Variants in DST observed in about 807,000 individuals in gnomAD.
DST encodes bullous pemphigoid antigen.
A neutral mutation model predicts 875.2 loss-of-function variants in DST; 253 were observed. The observed-to-expected ratio is 0.29, with a 90% CI of 0.26 to 0.32. The LOEUF (loss-of-function observed/expected upper bound fraction) is 0.32. DST is among the 10% of genes least tolerant of loss of function. The pLI is 1.00. For missense variants in DST, 8,287 were observed against 9,111.6 expected (o/e 0.91, Z 3.68); for synonymous variants, 3,124 against 3,197.1 (o/e 0.98, Z 0.77).
chr6:56,459,820 C>G (rs1413476082), intron 103 of DST, among the ~76,000 whole-genome samples: 1 of 152,170 alleles, frequency 6.6e-6, no homozygotes, highest in African/African-American at 2.4e-5. Context: ...CTTCCAACCA[C>G]CCCAAAACAG....
chr6:56,853,145 C>A (rs1270526674), intron 3 of DST, among the ~76,000 whole-genome samples: 2 of 152,206 alleles, frequency 1.3e-5, no homozygotes, highest in South Asian at 2.1e-4. Flanking sequence ...TCTTTCCCCC[C>A]AAAAAAGCTG....
At chr6:56,695,405 A>ATT (rs140173063) in intron 9 of DST, among the ~76,000 whole-genome samples, 12,759 of 152,126 alleles carry the variant, frequency 0.084, 1,717 homozygotes, top group African/African-American at 0.28. Context: ...AAATGAACTA[A>ATT]TACACCTGCC....
chr6:56,472,084 T>G lies in DST; in HGVS notation c.22133A>C (p.Asn7378Thr). 6.2e-7 allele frequency: 1 copy of G among 1,613,950 alleles called. No homozygotes were observed. Among genetic ancestry groups the G allele is most frequent in the Non-Finnish European group, 8.5e-7 (1 of 1,179,842 alleles). The change falls in exon 94 of 104, where the codon AAT (asparagine) becomes ACT (threonine). Residue 7378 changes from asparagine to threonine, a missense_variant. Transcript: ENST00000680361. ...LLALERRRKL[N>T]DALDRLEELR... The stretch of plus-strand genomic sequence containing the variant: ...CTCCTCTAGTCTGTCCAAGGCATCA[T>G]TGAGTTTCCTCCTTCTTTCCAACGC...
intron 4 of DST, among the ~76,000 whole-genome samples, chr6:56,740,013 C>A (rs1450270282): frequency 2.6e-5 from 4 of 152,116 alleles, no homozygotes; most frequent in African/African-American, 9.7e-5. Context: ...AGGCATGCGC[C>A]AACACACCTG....
intron 4 of DST, chr6:56,742,447 C>G: frequency 1.1e-6 from 1 of 923,542 alleles, no homozygotes; most frequent in South Asian, 1.4e-5. Context: ...TGACTAGACA[C>G]TCCTACTTGC....
intron 58 of DST, among the ~76,000 whole-genome samples, chr6:56,558,533 G>A (rs1180955801): frequency 6.6e-6 from 1 of 152,060 alleles, no homozygotes; most frequent in African/African-American, 2.4e-5. Context: ...CACACTTGGA[G>A]AACTAATGAC....
At chr6:56,808,436 CTT>C (rs1165956307) in intron 4 of DST, among the ~76,000 whole-genome samples, 3 of 152,020 alleles carry the variant, frequency 2.0e-5, no homozygotes, top group African/African-American at 7.3e-5. Flanking sequence ...AATAATAAAA[CTT>C]AATGCAGTGG....
At chr6:56,649,991 C>T (rs2098965501) in intron 12 of DST, among the ~76,000 whole-genome samples, 1 of 152,110 alleles carries the variant, frequency 6.6e-6, no homozygotes, top group Admixed American at 6.5e-5. Flanking sequence ...TGAAGCAACG[C>T]TCAACATTGA....
intron 51 of DST, 146 bp from the exon 52 acceptor site, chr6:56,573,210 G>C (rs538994738): frequency 1.2e-4 from 89 of 713,172 alleles, no homozygotes; most frequent in Admixed American, 2.8e-4. Flanking sequence ...TGACAAGTTT[G>C]GTCTGTCCCT....
At position 56,924,419 on chromosome 6, in the gene DST, T is replaced by C. The variant is rs534221192; in HGVS notation, c.217-23798A>G. Among the ~76,000 whole-genome samples, 21 of 151,400 alleles carry C rather than the reference T, an allele frequency of 1.4e-4. No homozygotes were observed. In the East Asian group the frequency reaches 3.7e-3, roughly 27 times the overall value. ...CACCAATGGATGGAGACTGATGTTATATATTTTTTAATATTTATATTTGTG... is the reference window on the plus strand; with the variant it reads ...CACCAATGGATGGAGACTGATGTTACATATTTTTTAATATTTATATTTGTG... On this transcript the variant is annotated intron_variant, in intron 2 of 103. Transcript: ENST00000680361.
At chr6:56,601,797 T>A (rs2098448610) in intron 43 of DST, 121 bp from the exon 44 acceptor site, 2 of 632,880 alleles carry the variant, frequency 3.2e-6, no homozygotes, top group South Asian at 2.6e-5. Flanking sequence ...GTTTTATGAA[T>A]TTTTTTGCTA....
At chr6:56,747,024 T>C (rs2152946432) in intron 4 of DST, among the ~76,000 whole-genome samples, 1 of 152,232 alleles carries the variant, frequency 6.6e-6, no homozygotes, top group East Asian at 1.9e-4. Flanking sequence ...TTTCAGAGAA[T>C]GGCTGCCCAG....
intron 3 of DST, among the ~76,000 whole-genome samples, chr6:56,867,984 G>C (rs541705769): frequency 6.6e-6 from 1 of 152,136 alleles, no homozygotes; most frequent in Admixed American, 6.5e-5. Context: ...CCGTGTTCTA[G>C]AAATAAACTT....
chr6:56,647,870 G>C (rs938641235), intron 13 of DST, among the ~76,000 whole-genome samples: 2 of 151,928 alleles, frequency 1.3e-5, no homozygotes, highest in Non-Finnish European at 2.9e-5. Context: ...ATTTTTAATA[G>C]AGATGGGGTT....
rs1047863733 is a variant in DST at position 56,592,322 on chromosome 6, C to T, written c.12763G>A (p.Asp4255Asn). 6.2e-7 allele frequency: 1 copy of T among 1,605,012 alleles called. No individual in the cohort carries two copies. The highest frequency in any genetic ancestry group is 1.3e-5 in the African/African-American group (1 of 74,928). ...VLGNNLKDLV[D>N]KYQHYEDASC... ...GCATCTTCATAGTGTTGATATTTATCCACCAGATCTTTAAGATTATTTCCA... is the reference window on the plus strand; with the variant it reads ...GCATCTTCATAGTGTTGATATTTATTCACCAGATCTTTAAGATTATTTCCA... Residue 4255 changes from aspartate to asparagine, a missense_variant, in exon 49 of 104, where the codon GAT (aspartate) becomes AAT (asparagine). By Grantham distance (23) the Asp-to-Asn change is conservative. This residue lies in a region of DST where 1,513 missense variants were observed against 1,677.8 expected (regional missense o/e 0.90). Coordinates refer to ENST00000680361, the MANE Select transcript of DST (RefSeq NM_001374736.1).
intron 15 of DST, among the ~76,000 whole-genome samples, chr6:56,643,711 C>G (rs2098926314): frequency 6.6e-6 from 1 of 152,194 alleles, no homozygotes. Context: ...TACTTCTCCA[C>G]TCTAAGAATA....
intron 8 of DST, among the ~76,000 whole-genome samples, chr6:56,701,141 A>G (rs1313812805): frequency 6.6e-6 from 1 of 151,334 alleles, no homozygotes; most frequent in Non-Finnish European, 1.5e-5. Context: ...CACCACACCC[A>G]GCCTCTTCCT....
chr6:56,684,246 T>G (rs1466575589), intron 9 of DST, among the ~76,000 whole-genome samples: 3 of 152,248 alleles, frequency 2.0e-5, no homozygotes, highest in Admixed American at 1.3e-4. Flanking sequence ...GAAAGCTTAT[T>G]CACTTTTTTA....
At chr6:56,466,321 A>G (rs1274633389) in intron 98 of DST, 126 bp from the exon 99 acceptor site, 1 of 536,632 alleles carries the variant, frequency 1.9e-6, no homozygotes, top group Non-Finnish European at 3.1e-6. Flanking sequence ...GCGATTAGTA[A>G]AATCTCAGAA....
Sources: allele counts gnomAD v4.1 joint callset (sites outside exome capture counted in the v4.1 genomes callset), GRCh38; gene constraint gnomAD v4.1.1; regional missense constraint gnomAD v4.1.1; transcripts MANE v1.5; gene names NCBI Gene and HGNC (gene_info 2026-07-23, HGNC 2026-07-21).